Variants in INPP5B observed in about 807,000 individuals in gnomAD.
INPP5B encodes the protein inositol polyphosphate-5-phosphatase B.
INPP5B carries 90 observed loss-of-function variants against 118.5 expected under a neutral mutation model. That is an observed-to-expected ratio of 0.76 (90% CI 0.64 to 0.90). The LOEUF (loss-of-function observed/expected upper bound fraction) is 0.90, where lower values mean the gene tolerates loss of function less well. INPP5B is among the 40% of genes least tolerant of loss of function. INPP5B has a pLI of 0.00. For missense variants in INPP5B, 984 were observed against 1,125.6 expected (o/e 0.87, Z 1.80); for synonymous variants, 385 against 418.9 (o/e 0.92, Z 0.99).
chr1:37,943,304 T>C (rs1646002065), intron 5 of INPP5B, among the ~76,000 whole-genome samples: 1 of 152,052 alleles, frequency 6.6e-6, no homozygotes, highest in Non-Finnish European at 1.5e-5. Flanking sequence ...TTCAGGGGTT[T>C]AACAAAGGCT....
At chr1:37,883,990 A>T in intron 13 of INPP5B, 1 of 347,170 alleles carries the variant, frequency 2.9e-6, no homozygotes. Flanking sequence ...AAATGAGCAC[A>T]AGATGCTCTC....
At chr1:37,938,320 T>TA (rs1362360027) in intron 6 of INPP5B, among the ~76,000 whole-genome samples, 2 of 149,456 alleles carry the variant, frequency 1.3e-5, no homozygotes, top group African/African-American at 5.0e-5. Context: ...ACATTAAATT[T>TA]AAAAAATTTT....
rs990370462 is a variant in INPP5B, at chr1:37,879,758, A to AAAAC, written c.1541+323_1541+326dup. Reference sequence around the variant, plus strand: ...GGATGACAGAGCAAGACTCTGTCTCAAAACAAACAAACAAACAAAAATATT... The same window carrying AAAAC: ...GGATGACAGAGCAAGACTCTGTCTCAAAACAAACAAACAAACAAACAAAAATATT... On this transcript the variant is annotated intron_variant, in intron 15 of 23. Coordinates refer to ENST00000373024, the MANE Select transcript of INPP5B (RefSeq NM_005540.3). Among the ~76,000 whole-genome samples the AAAAC allele has an allele frequency of 3.3e-5, 5 of 152,196 alleles. No homozygotes were observed. In the East Asian group the frequency reaches 7.7e-4, roughly 23 times the overall value.
At chr1:37,892,469 G>T in intron 7 of INPP5B, among the ~76,000 whole-genome samples, 1 of 152,154 alleles carries the variant, frequency 6.6e-6, no homozygotes, top group East Asian at 1.9e-4. Flanking sequence ...CTCTTTAAAA[G>T]CCAGATCTCT....
At position 37,861,802 on chromosome 1, in the gene INPP5B, G is replaced by A. The variant is rs182045509; in HGVS notation, c.*513C>T. The A allele has an allele frequency of 1.8e-3, 270 of 152,048 alleles. No individual in the cohort carries two copies. Among genetic ancestry groups the A allele is most frequent in the Non-Finnish European group, 3.3e-3 (225 of 68,276 alleles). 9.4% of individuals were successfully genotyped at this position (152,048 alleles called of 1,614,324 possible). A position where few individuals can be genotyped will look rare whatever the true frequency, so the allele number is the denominator to read the frequency against. On this transcript the variant is annotated 3_prime_UTR_variant, in exon 24 of 24. Coordinates refer to ENST00000373024, the MANE Select transcript of INPP5B (RefSeq NM_005540.3). ...TGTAATCCTAGCACTTGGGGAGGCC[G>A]AGGCAGGCAGATTACCTGAGTTCAG...
At chr1:37,880,994 A>G (rs1480420329) in intron 14 of INPP5B, among the ~76,000 whole-genome samples, 1 of 152,214 alleles carries the variant, frequency 6.6e-6, no homozygotes, top group Non-Finnish European at 1.5e-5. Context: ...AAGTGTTGGG[A>G]TTGCATGTGC....
rs149587853 is a variant in INPP5B at position 37,868,037 on chromosome 1, C to T, written c.2301+464G>A. On this transcript the variant is annotated intron_variant, in intron 20 of 23. Coordinates refer to ENST00000373024, the MANE Select transcript of INPP5B (RefSeq NM_005540.3). ...CCCTTGGGGGTAATCAGGTACTACACGTAATAGCAGGGCCTCTGGCAGAGC... is the reference window on the plus strand; with the variant it reads ...CCCTTGGGGGTAATCAGGTACTACATGTAATAGCAGGGCCTCTGGCAGAGC... Among the ~76,000 whole-genome samples, 234 of 152,210 alleles carry T rather than the reference C, an allele frequency of 1.5e-3. 2 individuals are homozygous for T. Among genetic ancestry groups the T allele is most frequent in the African/African-American group, 5.2e-3 (217 of 41,530 alleles).
At chr1:37,878,591 T>C in intron 15 of INPP5B, 1 of 612,814 alleles carries the variant, frequency 1.6e-6, no homozygotes, top group Non-Finnish European at 2.0e-6. Context: ...CAGGAGAGAA[T>C]TAAAAAACCA....
chr1:37,934,202 G>A (rs1032283427), intron 6 of INPP5B, among the ~76,000 whole-genome samples: 5 of 152,008 alleles, frequency 3.3e-5, no homozygotes, highest in South Asian at 2.1e-4. Flanking sequence ...AAAAGTGCTG[G>A]GATTACAGGT....
intron 19 of INPP5B, among the ~76,000 whole-genome samples, chr1:37,869,282 C>T (rs953140710): frequency 2.6e-5 from 4 of 151,330 alleles, no homozygotes; most frequent in African/African-American, 9.7e-5. Context: ...CGTGAGCCAC[C>T]GTGCCCGGCC....
At chr1:37,896,290 T>A (rs1257519657) in intron 7 of INPP5B, among the ~76,000 whole-genome samples, 2 of 142,534 alleles carry the variant, frequency 1.4e-5, no homozygotes, top group African/African-American at 5.3e-5. Context: ...CCGCCCCGTC[T>A]GAGAAGTGAG....
intron 20 of INPP5B, 26 bp downstream of exon 20, chr1:37,868,475 G>A (rs1557618029): frequency 6.6e-7 from 1 of 1,513,338 alleles, no homozygotes; most frequent in Non-Finnish European, 9.2e-7. Flanking sequence ...GCCTCAATCA[G>A]GTCTGAATGC....
intron 15 of INPP5B, among the ~76,000 whole-genome samples, chr1:37,879,175 G>C (rs1643036006): frequency 6.6e-6 from 1 of 151,848 alleles, no homozygotes; most frequent in African/African-American, 2.4e-5. Flanking sequence ...GGGAGGCTGA[G>C]GCAGGAGAAT....
intron 13 of INPP5B, chr1:37,884,168 T>A (rs1385361117): frequency 6.6e-6 from 1 of 152,228 alleles, no homozygotes; most frequent in East Asian, 1.9e-4. Flanking sequence ...CATTCTTTGG[T>A]TGTTTTCTTC....
chr1:37,932,515 C>T (rs908496301), intron 6 of INPP5B, among the ~76,000 whole-genome samples: 4 of 152,012 alleles, frequency 2.6e-5, no homozygotes, highest in Non-Finnish European at 5.9e-5. Flanking sequence ...ACTACAGGCA[C>T]GTGTCACCAT....
At chr1:37,880,449 T>C (rs907321547) in intron 14 of INPP5B, among the ~76,000 whole-genome samples, 1 of 148,314 alleles carries the variant, frequency 6.7e-6, no homozygotes, top group Non-Finnish European at 1.5e-5. Flanking sequence ...ATTTATTTAT[T>C]TATTTTGAGA....
intron 7 of INPP5B, among the ~76,000 whole-genome samples, chr1:37,896,672 T>G (rs1482566767): frequency 2.5e-5 from 3 of 120,614 alleles, no homozygotes; most frequent in African/African-American, 9.5e-5. Flanking sequence ...CCGCCCCTAC[T>G]GGGAAGTGAG....
chr1:37,878,560 T>C, intron 15 of INPP5B: 1 of 880,834 alleles, frequency 1.1e-6, no homozygotes, highest in Non-Finnish European at 1.4e-6. Context: ...GATTCTCTGA[T>C]CTTTATCCTC....
chr1:37,869,359 G>A (rs1642259257), intron 19 of INPP5B, among the ~76,000 whole-genome samples: 1 of 151,398 alleles, frequency 6.6e-6, no homozygotes, highest in Non-Finnish European at 1.5e-5. Context: ...TGCCCAGGCT[G>A]GTCTTGAACA....
Sources: gnomAD v4.1 joint callset for allele counts (sites outside exome capture counted in the v4.1 genomes callset) on GRCh38, gnomAD v4.1.1 for gene constraint, MANE v1.5 for transcripts, NCBI Gene and HGNC (gene_info 2026-07-23, HGNC 2026-07-21) for gene names.